The following MCF2L variants were observed in gnomAD, a reference collection of about 807,000 sequenced individuals.
MCF2L encodes guanine nucleotide exchange factor DBS.
In MCF2L, 97 loss-of-function variants were observed where a neutral mutation model predicts 153.4. The ratio of observed to expected loss-of-function variants is 0.63; its 90% CI spans 0.54 to 0.75. The LOEUF (loss-of-function observed/expected upper bound fraction) is 0.75. Among genes scored for constraint, MCF2L ranks in the 30% least tolerant of loss-of-function variants. The pLI, the probability that MCF2L is intolerant of heterozygous loss-of-function variation, is 0.00. For synonymous variants in MCF2L, 659 were observed against 632.2 expected, an observed-to-expected ratio of 1.04 and a Z score of -0.64; for missense variants, 1,347 against 1,495.2, an observed-to-expected ratio of 0.90 and a Z score of 1.64.
intron 1 of MCF2L, among the ~76,000 whole-genome samples, chr13:112,989,659 ACACC>A (rs1226040633): frequency 8.0e-5 from 5 of 62,764 alleles, no homozygotes; most frequent in Admixed American, 5.5e-4. Context: ...TGGAACTACC[ACACC>A]CGAGTCCTCC....
chr13:113,083,487 GCTTTCA>G (rs2034344892), intron 17 of MCF2L, among the ~76,000 whole-genome samples: 3 of 152,188 alleles, frequency 2.0e-5, no homozygotes, highest in African/African-American at 7.2e-5. Context: ...GGTCCCCACA[GCTTTCA>G]GCTGTTGTGC....
Position 113,045,753 on chromosome 13 carries a change from A to C in MCF2L, c.369+392A>C. 4.1e-6 allele frequency: 1 copy of C among 246,216 alleles called. No individual in the cohort carries two copies. The highest frequency in any genetic ancestry group is 2.2e-5 in the African/African-American group (1 of 45,852). 15.3% of individuals were successfully genotyped at this position (246,216 alleles called of 1,614,324 possible). A position where few individuals can be genotyped will look rare whatever the true frequency, so the allele number is the denominator to read the frequency against. On this transcript the variant is annotated intron_variant, in intron 4 of 29. Coordinates refer to ENST00000535094, the MANE Select transcript of MCF2L (RefSeq NM_001112732.3). This position sits in a 1 kb window ranked among gnomAD's most constrained non-coding sequence, Gnocchi z 4.2. ...TAGCTGTGACACTGAACGAGCCACC[A>C]CCGCCTCCCTTCCCCAGTGGGATTG...
chr13:113,082,578 G>A lies in MCF2L; in HGVS notation c.1991+36G>A, dbSNP rs1336809491. On this transcript the variant is annotated intron_variant, in intron 17 of 29. Transcript: ENST00000535094. ...CCCCCCGACACAGGCACGCACCCGT[G>A]ATCTCTTGCAGCTAATGGTGCTGGC... 2.8e-6 allele frequency: 4 copies of A among 1,419,184 alleles called. No individual in the cohort carries two copies. In the African/African-American group the frequency reaches 5.6e-5, roughly 20 times the overall value. 87.9% of individuals were successfully genotyped at this position (1,419,184 alleles called of 1,614,324 possible).
chr13:112,916,338 G>T (rs1274377758), intron 2 of MCF2L, among the ~76,000 whole-genome samples: 1 of 152,164 alleles, frequency 6.6e-6, no homozygotes, highest in Non-Finnish European at 1.5e-5. Context: ...TAGTTCTACT[G>T]ATTTTCCAAT....
At chr13:113,058,667 G>T (rs533072495) in intron 4 of MCF2L, among the ~76,000 whole-genome samples, 1 of 150,110 alleles carries the variant, frequency 6.7e-6, no homozygotes, top group African/African-American at 2.5e-5. Flanking sequence ...CTGAGTGGGC[G>T]CTGTGTGTTT....
intron 1 of MCF2L, among the ~76,000 whole-genome samples, chr13:112,989,470 C>T (rs111668227): frequency 0.37 from 1,535 of 4,144 alleles, 267 homozygotes; most frequent in Non-Finnish European, 0.68. Flanking sequence ...GACATGGAGC[C>T]ACCACGCCCG....
intron 1 of MCF2L, among the ~76,000 whole-genome samples, chr13:113,012,472 T>C (rs1415228042): frequency 9.5e-5 from 8 of 84,448 alleles, no homozygotes; most frequent in African/African-American, 1.8e-4. Flanking sequence ...GTGGTGTGGA[T>C]GGTGGACAGG....
chr13:112,898,505 T>C (rs1300647543), intron 1 of MCF2L, among the ~76,000 whole-genome samples: 1 of 152,046 alleles, frequency 6.6e-6, no homozygotes, highest in East Asian at 1.9e-4. Context: ...ACTCGCAGCC[T>C]CCCTCAGGCC....
intron 3 of MCF2L, among the ~76,000 whole-genome samples, chr13:113,030,765 CAGAG>C (rs2085635646): frequency 6.6e-6 from 1 of 152,226 alleles, no homozygotes; most frequent in Non-Finnish European, 1.5e-5. Context: ...GCCAAGGTCT[CAGAG>C]AGGCGATAGA....
At chr13:113,078,285 C>T in intron 13 of MCF2L, 78 bp from the exon 14 acceptor site, 2 of 1,186,908 alleles carry the variant, frequency 1.7e-6, no homozygotes, top group East Asian at 2.4e-5. Context: ...CTCCTCGGGG[C>T]CTTTTCCCGC....
At chr13:113,052,312 C>G (rs1311300656) in intron 4 of MCF2L, among the ~76,000 whole-genome samples, 1 of 152,148 alleles carries the variant, frequency 6.6e-6, no homozygotes, top group African/African-American at 2.4e-5. Context: ...CCCGGGGGTC[C>G]CTGGGACCAG....
In MCF2L at chr13:113,097,828, T is replaced by G. The variant is rs552163419; in HGVS notation, c.*969T>G. ...GCCCCTGCCTCACTGCACTGCAGCC[T>G]CCTCGGAGGCCGCACCTCCACTCCA... On this transcript the variant is annotated 3_prime_UTR_variant, in exon 30 of 30. Transcript: ENST00000535094. The G allele has an allele frequency of 1.1e-4, 17 of 152,180 alleles. No individual in the cohort carries two copies. The East Asian group carries it at 3.3e-3, about 29-fold the overall frequency. 9.4% of individuals were successfully genotyped at this position (152,180 alleles called of 1,614,324 possible).
At chr13:113,000,063 C>T (rs1040174673) in intron 1 of MCF2L, among the ~76,000 whole-genome samples, 1 of 152,174 alleles carries the variant, frequency 6.6e-6, no homozygotes, top group Non-Finnish European at 1.5e-5. Flanking sequence ...GGTGCATCGG[C>T]TGGTGCCGTG....
intron 1 of MCF2L, among the ~76,000 whole-genome samples, chr13:112,900,383 G>A (rs773317833): frequency 1.1e-4 from 17 of 152,230 alleles, no homozygotes; most frequent in Admixed American, 7.8e-4. Context: ...CATGAGATGC[G>A]CAGGCAGCCT....
chr13:113,090,420 C>T (rs1426097094), intron 26 of MCF2L: 3 of 985,120 alleles, frequency 3.0e-6, no homozygotes, highest in East Asian at 2.3e-4. Flanking sequence ...TTTCCAGGCC[C>T]CCTCCTTCCT....
intron 2 of MCF2L, among the ~76,000 whole-genome samples, chr13:112,961,790 C>T (rs376696132): frequency 1.3e-5 from 2 of 152,208 alleles, no homozygotes; most frequent in Admixed American, 6.5e-5. Context: ...ACTGAGTCCT[C>T]GCCCCAGCCC....
chr13:113,017,724 G>A (rs1036317534), intron 2 of MCF2L, among the ~76,000 whole-genome samples: 4 of 152,178 alleles, frequency 2.6e-5, no homozygotes, highest in Admixed American at 2.0e-4. Context: ...TCCCCCGCCC[G>A]CCACTCCTGC....
chr13:113,017,018 T>A (rs554097332), intron 2 of MCF2L, among the ~76,000 whole-genome samples: 2 of 152,310 alleles, frequency 1.3e-5, no homozygotes, highest in East Asian at 3.9e-4. Flanking sequence ...GTTCTCAGGA[T>A]CCAGGTCGTA....
chr13:112,931,802 A>C (rs751721125), intron 2 of MCF2L, among the ~76,000 whole-genome samples: 7 of 152,088 alleles, frequency 4.6e-5, no homozygotes, highest in Non-Finnish European at 1.0e-4. Flanking sequence ...ACAAAACCCA[A>C]ACCCACGTGG....
Sources: allele counts gnomAD v4.1 joint callset (sites outside exome capture counted in the v4.1 genomes callset), GRCh38; gene constraint gnomAD v4.1.1; non-coding constraint Gnocchi (gnomAD v3.1); transcripts MANE v1.5; gene names NCBI Gene and HGNC (gene_info 2026-07-23, HGNC 2026-07-21).